The following THSD7B variants were observed in gnomAD, a reference collection of about 807,000 sequenced individuals.
The protein encoded by THSD7B is thrombospondin type-1 domain-containing protein 7B.
In THSD7B, 138 loss-of-function variants were observed where a neutral mutation model predicts 213.6. The observed-to-expected ratio is 0.65, with a 90% CI of 0.56 to 0.74. THSD7B has a LOEUF of 0.74. THSD7B is among the 30% of genes least tolerant of loss of function. THSD7B has a pLI of 0.00. For missense variants in THSD7B, 1,931 were observed against 1,991.5 expected (o/e 0.97, Z 0.58); for synonymous variants, 742 against 687.0 (o/e 1.08, Z -1.25).
intron 2 of THSD7B, among the ~76,000 whole-genome samples, chr2:137,032,249 G>A (rs1573777833): frequency 6.6e-6 from 1 of 152,048 alleles, no homozygotes; most frequent in Admixed American, 6.6e-5. Flanking sequence ...AAAAAAAAAT[G>A]CCGTTTAGTG....
chr2:137,565,823 C>T (rs142738214), intron 16 of THSD7B, among the ~76,000 whole-genome samples: 1 of 152,104 alleles, frequency 6.6e-6, no homozygotes, highest in Non-Finnish European at 1.5e-5. Context: ...ATGGTGGCTC[C>T]ACTCTGATGA....
intron 17 of THSD7B, among the ~76,000 whole-genome samples, chr2:137,590,569 C>CT (rs1681841564): frequency 6.6e-6 from 1 of 151,970 alleles, no homozygotes; most frequent in Admixed American, 6.6e-5. Flanking sequence ...TTTTGAAAGT[C>CT]TTTTATATTA....
At chr2:137,313,778 C>A (rs1277909544) in intron 12 of THSD7B, among the ~76,000 whole-genome samples, 2 of 152,040 alleles carry the variant, frequency 1.3e-5, no homozygotes, top group Non-Finnish European at 1.5e-5. Flanking sequence ...CTTAGTTTGG[C>A]TGTATATGAA....
At chr2:137,121,109 G>C (rs1688538827) in intron 5 of THSD7B, among the ~76,000 whole-genome samples, 1 of 152,106 alleles carries the variant, frequency 6.6e-6, no homozygotes, top group Admixed American at 6.6e-5. Flanking sequence ...GTGTGATATA[G>C]GAAATGTTTA....
chr2:136,782,803 T>C (rs959039751), intron 1 of THSD7B, among the ~76,000 whole-genome samples: 2 of 152,186 alleles, frequency 1.3e-5, no homozygotes, highest in Non-Finnish European at 2.9e-5. Flanking sequence ...AGTTAATGCA[T>C]GTGTTAATTA....
intron 1 of THSD7B, among the ~76,000 whole-genome samples, chr2:136,849,692 T>C (rs566071633): frequency 6.6e-6 from 1 of 152,246 alleles, no homozygotes; most frequent in Non-Finnish European, 1.5e-5. Context: ...TGTCCACCCC[T>C]GGGAGGGCTA....
intron 1 of THSD7B, among the ~76,000 whole-genome samples, chr2:136,795,898 A>AT (rs1363721261): frequency 6.6e-6 from 1 of 151,950 alleles, no homozygotes; most frequent in African/African-American, 2.4e-5. Flanking sequence ...TATCATATAC[A>AT]TTTTTTAAGT....
chr2:137,130,992 C>A (rs1688719576), intron 5 of THSD7B, among the ~76,000 whole-genome samples: 2 of 151,318 alleles, frequency 1.3e-5, no homozygotes, highest in African/African-American at 4.8e-5. Flanking sequence ...TACAGTCCCA[C>A]CAACAGTGTA....
At position 137,329,572 on chromosome 2, in the gene THSD7B, G is replaced by A. The variant is rs1263515548; in HGVS notation, c.2500+53546G>A. Among the ~76,000 whole-genome samples, 4 of 152,158 alleles carry A rather than the reference G, an allele frequency of 2.6e-5. No homozygotes were observed. In the East Asian group the frequency reaches 7.7e-4, roughly 29 times the overall value. ...AGTAGAGACGGGGTTTCACCATGTT[G>A]GCCAGGCTGATCTTGATCTCCTGAC... On this transcript the variant is annotated intron_variant, in intron 12 of 27. Transcript: ENST00000409968.
rs149944920 is a variant in THSD7B at position 137,371,071 on chromosome 2, G to A, written c.2501-34542G>A. Among the ~76,000 whole-genome samples, 339 of 151,620 alleles carry A rather than the reference G, an allele frequency of 2.2e-3. 2 individuals carry two copies. Among genetic ancestry groups the A allele is most frequent in the Middle Eastern group, 0.02 (6 of 294 alleles). ...GAGTAAATGTCTTCTCAAGATTATC[G>A]GATCCATCAGTGACATATTTCTGTA... is the stretch of plus-strand genomic sequence containing the variant. On this transcript the variant is annotated intron_variant, in intron 12 of 27. Coordinates refer to ENST00000409968, the MANE Select transcript of THSD7B (RefSeq NM_001316349.2).
At chr2:137,131,019 T>C (rs1056859128) in intron 5 of THSD7B, among the ~76,000 whole-genome samples, 1 of 149,298 alleles carries the variant, frequency 6.7e-6, no homozygotes, top group Non-Finnish European at 1.5e-5. Context: ...TTCCTATTTC[T>C]CCACATCCTC....
chr2:137,027,379 T>C (rs1471999376), intron 2 of THSD7B, among the ~76,000 whole-genome samples: 1 of 152,138 alleles, frequency 6.6e-6, no homozygotes, highest in Non-Finnish European at 1.5e-5. Context: ...ACTTTATCAT[T>C]GTCTGCATCC....
chr2:137,596,096 G>A (rs1044923489), intron 17 of THSD7B, among the ~76,000 whole-genome samples: 2 of 151,934 alleles, frequency 1.3e-5, no homozygotes, highest in African/African-American at 4.8e-5. Context: ...TTGTAAGCCA[G>A]AAAGGTTAAG....
rs748551585 is a variant in THSD7B, at chr2:137,412,597, C to CAAAAAAAAAAA, written c.2959+728_2959+738dup. On this transcript the variant is annotated intron_variant, in intron 14 of 27. Transcript: ENST00000409968. The stretch of plus-strand genomic sequence containing the variant: ...GGGCAACGAGAGCAAAACTCTGTCT[C>CAAAAAAAAAAA]AAAAAAAAAAAAACAAAAAAAAACA... Among the ~76,000 whole-genome samples, 9 of 24,082 alleles carry CAAAAAAAAAAA rather than the reference C, an allele frequency of 3.7e-4. 2 individuals carry two copies. Among genetic ancestry groups the CAAAAAAAAAAA allele is most frequent in the South Asian group, 2.3e-3 (1 of 444 alleles). The allele number at this position is 24,082 out of a possible 152,430, so 15.8% of individuals were successfully genotyped here. A position where few individuals can be genotyped will look rare whatever the true frequency, so the allele number is the denominator to read the frequency against.
chr2:137,055,776 C>T (rs1309106819), intron 2 of THSD7B, among the ~76,000 whole-genome samples: 2 of 152,196 alleles, frequency 1.3e-5, no homozygotes, highest in Non-Finnish European at 2.9e-5. Flanking sequence ...TCTCTTATTA[C>T]CTTACCTTTC....
chr2:137,205,396 G>GT (rs1680964237), intron 7 of THSD7B, among the ~76,000 whole-genome samples: 1 of 152,132 alleles, frequency 6.6e-6, no homozygotes, highest in East Asian at 1.9e-4. Context: ...TAAGATCTAA[G>GT]TTTATCACAG....
intron 3 of THSD7B, among the ~76,000 whole-genome samples, chr2:137,081,601 G>T (rs1321681147): frequency 6.6e-6 from 1 of 151,904 alleles, no homozygotes; most frequent in Non-Finnish European, 1.5e-5. Context: ...CTGATTCAAG[G>T]TGTATGTTTT....
At chr2:137,115,437 C>A in intron 5 of THSD7B, 144 bp downstream of exon 5, 1 of 888,402 alleles carries the variant, frequency 1.1e-6, no homozygotes, top group Non-Finnish European at 1.6e-6. Context: ...TATGCCGCCC[C>A]TAAGTTCTTC....
At chr2:137,016,009 A>G (rs1447429286) in intron 2 of THSD7B, among the ~76,000 whole-genome samples, 3 of 152,198 alleles carry the variant, frequency 2.0e-5, no homozygotes, top group Non-Finnish European at 2.9e-5. Flanking sequence ...TTCAATTTGC[A>G]TAATAAAAGA....
Sources: allele counts gnomAD v4.1 joint callset (sites outside exome capture counted in the v4.1 genomes callset), GRCh38; gene constraint gnomAD v4.1.1; transcripts MANE v1.5; gene names NCBI Gene and HGNC (gene_info 2026-07-23, HGNC 2026-07-21).